The following MGST1 variants were observed in gnomAD, a reference collection of about 807,000 sequenced individuals.
MGST1 encodes glutathione S-transferase 12.
MGST1 carries 5 observed loss-of-function variants against 8.9 expected under a neutral mutation model. The observed-to-expected ratio is 0.56, with a 90% CI of 0.29 to 1.19. The LOEUF is 1.19. Among genes scored for constraint, MGST1 ranks in the 50% most tolerant of loss-of-function variants. MGST1 has a pLI of 0.08. For synonymous variants in MGST1, 54 were observed against 67.8 expected, an observed-to-expected ratio of 0.80 and a Z score of 1.00; for missense variants, 182 against 187.4, an observed-to-expected ratio of 0.97 and a Z score of 0.17.
chr12:16,442,502 G>A (rs1275023994), downstream of MGST1, among the ~76,000 whole-genome samples: 1 of 151,740 alleles, frequency 6.6e-6, no homozygotes, highest in African/African-American at 2.4e-5. This position sits in a 1 kb window ranked among gnomAD's most constrained non-coding sequence, Gnocchi z 4.5. Flanking sequence ...AAGGATTTAA[G>A]GTCTTTGTTT....
chr12:16,464,994 A>T (rs1941243869), intron 4 of MGST1, among the ~76,000 whole-genome samples: 1 of 152,190 alleles, frequency 6.6e-6, no homozygotes, highest in African/African-American at 2.4e-5. Flanking sequence ...TTATACTTGG[A>T]ATAACAAACT....
intron 4 of MGST1, among the ~76,000 whole-genome samples, chr12:16,468,658 C>T (rs1941270939): frequency 6.6e-6 from 1 of 152,142 alleles, no homozygotes; most frequent in African/African-American, 2.4e-5. Flanking sequence ...CCTGTTGGGT[C>T]TGTTGGAGTG....
At chr12:16,501,966 A>C (rs902479514) in intron 4 of MGST1, among the ~76,000 whole-genome samples, 2 of 152,188 alleles carry the variant, frequency 1.3e-5, no homozygotes, top group Admixed American at 1.3e-4. Flanking sequence ...TGGAGTACAA[A>C]TAATAAACTT....
rs747489040 is a variant in MGST1 at position 16,401,902 on chromosome 12, C to A, written n.778+18298C>A. 1.5e-5 allele frequency: 24 copies of A among 1,605,842 alleles called. No individual in the cohort carries two copies. Among genetic ancestry groups the A allele is most frequent in the Non-Finnish European group, 2.0e-5 (23 of 1,172,406 alleles). On this transcript the variant is annotated intron_variant and non_coding_transcript_variant, in intron 1 of 1. Transcript: ENST00000359720. The surrounding 1 kb of genome is among the most constrained non-coding windows in gnomAD (Gnocchi z 4.3). Reference sequence around the variant, plus strand: ...AATTTGAGCTCCCCATCCTCCCTTACAGCGACTGTATATGCCACAACTGCA... The same window carrying A: ...AATTTGAGCTCCCCATCCTCCCTTAAAGCGACTGTATATGCCACAACTGCA...
chr12:16,582,986 G>A lies in MGST1; in HGVS notation n.483-6542G>A, dbSNP rs1407130627. Among the ~76,000 whole-genome samples, 1 of 146,640 alleles carries A rather than the reference G, an allele frequency of 6.8e-6. No individual in the cohort carries two copies. ...CTCTTGAAGCTGGGAGGCAGAGGTT[G>A]TAGTGAGCTGAGATCACTCCACTGC... On this transcript the variant is annotated intron_variant and non_coding_transcript_variant, in intron 4 of 4. Transcript: ENST00000538857. The surrounding 1 kb of genome is among the most constrained non-coding windows in gnomAD (Gnocchi z 4.1).
intron 1 of MGST1, among the ~76,000 whole-genome samples, chr12:16,350,973 T>C (rs1044377371): frequency 1.3e-5 from 2 of 152,196 alleles, no homozygotes; most frequent in Non-Finnish European, 2.9e-5. Flanking sequence ...TTGTGTACTT[T>C]CCTACCAACA....
At chr12:16,412,237 C>T (rs1940748259) in intron 1 of MGST1, among the ~76,000 whole-genome samples, 1 of 152,148 alleles carries the variant, frequency 6.6e-6, no homozygotes, top group African/African-American at 2.4e-5. Context: ...CAATCTGAAT[C>T]ATACTTACAT....
chr12:16,393,932 A>G (rs1940575819), intron 1 of MGST1, among the ~76,000 whole-genome samples: 1 of 152,260 alleles, frequency 6.6e-6, no homozygotes, highest in Non-Finnish European at 1.5e-5. Context: ...GTTTATGAAC[A>G]TTTAGGCTGC....
At chr12:16,504,730 A>C (rs1429507804) in intron 4 of MGST1, among the ~76,000 whole-genome samples, 1 of 152,142 alleles carries the variant, frequency 6.6e-6, no homozygotes, top group African/African-American at 2.4e-5. Context: ...GAACATCTTC[A>C]ATTACCTTTC....
chr12:16,380,567 G>A (rs146777227), downstream of MGST1, among the ~76,000 whole-genome samples: 1,351 of 152,254 alleles, frequency 8.9e-3, 13 homozygotes, highest in Non-Finnish European at 0.013. Flanking sequence ...TTCCAACTAT[G>A]TGGTCGATTT....
At chr12:16,390,109 C>T (rs557195382) in intron 1 of MGST1, among the ~76,000 whole-genome samples, 2 of 151,914 alleles carry the variant, frequency 1.3e-5, no homozygotes, top group African/African-American at 4.8e-5. Context: ...GACATTTACA[C>T]ATTTCTCTGG....
chr12:16,529,887 T>C (rs1050494780), intron 4 of MGST1, among the ~76,000 whole-genome samples: 2 of 152,088 alleles, frequency 1.3e-5, no homozygotes, highest in East Asian at 3.9e-4. Context: ...TGCTTTGATA[T>C]GAAAAAGACT....
chr12:16,418,770 A>G (rs1940807146), intron 1 of MGST1, among the ~76,000 whole-genome samples: 1 of 152,162 alleles, frequency 6.6e-6, no homozygotes. Flanking sequence ...TAACTCTTAC[A>G]CTTGGGAATA....
At chr12:16,518,600 G>C (rs1451403552) in intron 4 of MGST1, among the ~76,000 whole-genome samples, 1 of 152,150 alleles carries the variant, frequency 6.6e-6, no homozygotes, top group Non-Finnish European at 1.5e-5. Flanking sequence ...GCAACAAGGA[G>C]ACTATCTGAA....
intron 2 of MGST1, 198 bp downstream of exon 2, chr12:16,354,576 T>A (rs9332903): frequency 0.011 from 4,395 of 413,850 alleles, 174 homozygotes; most frequent in African/African-American, 0.084. Context: ...AACTAGTAAA[T>A]GGTTTTTTCA....
chr12:16,486,303 T>G (rs937546569), intron 4 of MGST1, among the ~76,000 whole-genome samples: 6 of 152,222 alleles, frequency 3.9e-5, no homozygotes, highest in Non-Finnish European at 7.3e-5. Flanking sequence ...TTAAACTTTT[T>G]GCCTGAAGCA....
At chr12:16,372,937 T>A (rs1433200769) in intron 3 of MGST1, among the ~76,000 whole-genome samples, 2 of 142,334 alleles carry the variant, frequency 1.4e-5, no homozygotes, top group African/African-American at 2.6e-5. Context: ...ATTGTATATT[T>A]TATATTATAT....
chr12:16,403,831 T>C (rs568271253), intron 1 of MGST1, among the ~76,000 whole-genome samples: 6 of 152,130 alleles, frequency 3.9e-5, no homozygotes, highest in African/African-American at 1.4e-4. Context: ...AATCACCAGA[T>C]CTTGTGAGAA....
At position 16,354,383 on chromosome 12, in the gene MGST1, G is replaced by GA. The variant is rs1308305854; in HGVS notation, c.126+8dup. The GA allele has an allele frequency of 6.3e-7, 1 of 1,586,640 alleles. No individual in the cohort carries two copies. The highest frequency in any genetic ancestry group is 8.5e-7 in the Non-Finnish European group (1 of 1,173,098). ...TTCTATAGATTGACAAGAAAGGTAAGAAATTTGGAGGTAATATTTTCTTAC... is the reference window on the plus strand; with the variant it reads ...TTCTATAGATTGACAAGAAAGGTAAGAAAATTTGGAGGTAATATTTTCTTAC... On this transcript the variant is annotated splice_donor_region_variant and intron_variant, in intron 2 of 3. Coordinates refer to ENST00000396210, the MANE Select transcript of MGST1 (RefSeq NM_020300.5).
Sources: allele counts gnomAD v4.1 joint callset (sites outside exome capture counted in the v4.1 genomes callset), GRCh38; gene constraint gnomAD v4.1.1; non-coding constraint Gnocchi (gnomAD v3.1); transcripts MANE v1.5; gene names NCBI Gene and HGNC (gene_info 2026-07-23, HGNC 2026-07-21).